ARID1B: variants seen among roughly 807,000 people sequenced by gnomAD.
The protein encoded by ARID1B is AT-rich interactive domain-containing protein 1B.
Under a neutral mutation model 212.3 loss-of-function variants are expected in ARID1B, and 30 were observed. The observed-to-expected ratio is 0.14, with a 90% confidence interval of 0.11 to 0.19. ARID1B has a LOEUF of 0.19. Among genes scored for constraint, ARID1B ranks in the 10% least tolerant of loss-of-function variants. The pLI, the probability that ARID1B is intolerant of heterozygous loss-of-function variation, is 1.00. For synonymous variants in ARID1B, 1,402 were observed against 1,301.7 expected (o/e 1.08, Z -1.66); for missense variants, 2,891 against 3,204.0 (o/e 0.90, Z 2.36).
intron 9 of ARID1B, among the ~76,000 whole-genome samples, chr6:157,170,452 A>C (rs1432005276): frequency 3.3e-5 from 5 of 152,278 alleles, no homozygotes; most frequent in African/African-American, 1.2e-4. Flanking sequence ...TGGGGTGCTC[A>C]CTTTCATGCT....
intron 8 of ARID1B, 157 bp downstream of exon 8, chr6:157,149,108 A>C: frequency 1.3e-6 from 1 of 743,736 alleles, no homozygotes; most frequent in South Asian, 1.9e-5. Context: ...ATTCTGTAGC[A>C]TCGAGGTCAG....
chr6:156,803,105 T>G (rs957082644), intron 1 of ARID1B, among the ~76,000 whole-genome samples: 1 of 152,182 alleles, frequency 6.6e-6, no homozygotes, highest in African/African-American at 2.4e-5. Context: ...GATAGGTATA[T>G]GTAAAGAGTA....
At chr6:157,182,189 C>T (rs1792596222) in intron 12 of ARID1B, among the ~76,000 whole-genome samples, 1 of 152,172 alleles carries the variant, frequency 6.6e-6, no homozygotes, top group African/African-American at 2.4e-5. Flanking sequence ...TTCAAGGTTA[C>T]AGTAAGCTTT....
chr6:156,955,366 A>G lies in ARID1B; in HGVS notation c.2247+19790A>G, dbSNP rs188260739. 1.1e-4 allele frequency among the ~76,000 whole-genome samples: 17 copies of G among 152,332 alleles called. No individual in the cohort carries two copies. The East Asian group carries it at 2.3e-3, about 21-fold the overall frequency. On this transcript the variant is annotated intron_variant, in intron 4 of 19. Transcript: ENST00000636930. The surrounding 1 kb of genome is among the most constrained non-coding windows in gnomAD (Gnocchi z 4.2). ...AGCTACTGTATGTTCCAGGCCATAC[A>G]TTACATATTAACCACAATCCTGTCC...
chr6:156,945,101 ATT>A (rs1176770045), intron 4 of ARID1B, among the ~76,000 whole-genome samples: 2 of 107,128 alleles, frequency 1.9e-5, no homozygotes, highest in Admixed American at 9.4e-5. Flanking sequence ...TTTTTTGTAT[ATT>A]TTTTTTTTTT....
At chr6:156,902,506 A>G (rs754680919) in intron 3 of ARID1B, among the ~76,000 whole-genome samples, 1 of 151,946 alleles carries the variant, frequency 6.6e-6, no homozygotes, top group Non-Finnish European at 1.5e-5. Context: ...TTTCTTACAT[A>G]TTTTCTTGGG....
rs538368090 is a variant in ARID1B at position 156,926,847 on chromosome 6, A to AT, written c.2137-8613dup. Among the ~76,000 whole-genome samples the AT allele has an allele frequency of 5.9e-5, 9 of 151,962 alleles. No individual in the cohort carries two copies. The South Asian group carries it at 1.5e-3, about 25-fold the overall frequency. ...CAGGCACTGCCACCATGCCTGGCTA[A>AT]TTTTTTGTATTTTTAGTAGAGACAG... On this transcript the variant is annotated intron_variant, in intron 3 of 19. Transcript: ENST00000636930.
At chr6:156,793,385 T>G (rs1338769224) in intron 1 of ARID1B, among the ~76,000 whole-genome samples, 5 of 152,150 alleles carry the variant, frequency 3.3e-5, no homozygotes, top group African/African-American at 9.7e-5. Flanking sequence ...CTTACTCTGT[T>G]GCCCAGGCTA....
chr6:156,900,132 A>G (rs955379655), intron 2 of ARID1B, among the ~76,000 whole-genome samples: 2 of 152,244 alleles, frequency 1.3e-5, no homozygotes, highest in African/African-American at 2.4e-5. Flanking sequence ...ATGGCTTGCA[A>G]TGCAGACTTT....
At chr6:156,780,641 A>G (rs554599474) in intron 1 of ARID1B, among the ~76,000 whole-genome samples, 8 of 152,240 alleles carry the variant, frequency 5.3e-5, no homozygotes, top group Admixed American at 5.2e-4. Flanking sequence ...TTCTTGCCAC[A>G]AATAATAACT....
intron 6 of ARID1B, among the ~76,000 whole-genome samples, chr6:157,128,812 C>G (rs1472001887): frequency 2.0e-5 from 3 of 152,116 alleles, no homozygotes; most frequent in African/African-American, 7.2e-5. Flanking sequence ...CTCTTGATAA[C>G]CAAAATAAAA....
rs1535090 is a variant in ARID1B, at chr6:157,109,512, G to A, written c.2492-960G>A. On this transcript the variant is annotated intron_variant, in intron 5 of 19. Transcript: ENST00000636930. ...ATAGCATGGTCCTCATGTCACGAGAGCTAGTTAGTGCCTTGAGGACTGTGC... is the reference window on the plus strand; with the variant it reads ...ATAGCATGGTCCTCATGTCACGAGAACTAGTTAGTGCCTTGAGGACTGTGC... Among the ~76,000 whole-genome samples the A allele has an allele frequency of 6.0e-3, 907 of 152,286 alleles. 12 individuals are homozygous for A. The highest frequency in any genetic ancestry group is 0.02 in the African/African-American group (846 of 41,554).
chr6:156,779,302 C>G lies in ARID1B; in HGVS notation c.1622C>G (p.Ala541Gly), dbSNP rs1779003459. 6 of 1,130,808 alleles carry G rather than the reference C, an allele frequency of 5.3e-6. No homozygotes were observed. The highest frequency in any genetic ancestry group is 6.5e-6 in the Non-Finnish European group (6 of 925,756). The allele number at this position is 1,130,808 out of a possible 1,614,324, so 70.0% of individuals were successfully genotyped here. The change falls in exon 1 of 20, where the codon GCG becomes GGG. Residue 541 changes from alanine to glycine, a missense_variant. Ala to Gly is a moderately conservative substitution (Grantham distance 60, BLOSUM62 0). Coordinates refer to ENST00000636930, the MANE Select transcript of ARID1B (RefSeq NM_001374828.1). ...PPPSQPQSQA[A>G]AAGAAAGGQQ... The stretch of plus-strand genomic sequence containing the variant: ...CCGTCGCAGCCCCAGTCCCAGGCGG[C>G]GGCGGCGGGGGCGGCGGCGGGCGGC...
chr6:156,848,960 T>A (rs1410554654), intron 2 of ARID1B, among the ~76,000 whole-genome samples: 1 of 152,236 alleles, frequency 6.6e-6, no homozygotes, highest in East Asian at 1.9e-4. Context: ...TTCCCATTAT[T>A]TTTGAAGCCT....
At chr6:157,009,459 T>C (rs935513659) in intron 4 of ARID1B, among the ~76,000 whole-genome samples, 16 of 152,194 alleles carry the variant, frequency 1.1e-4, no homozygotes, top group Non-Finnish European at 2.4e-4. Context: ...GTACTGAATA[T>C]GGAAAGTACA....
intron 4 of ARID1B, among the ~76,000 whole-genome samples, chr6:156,991,477 C>T (rs1303880264): frequency 6.6e-6 from 1 of 152,088 alleles, no homozygotes; most frequent in Non-Finnish European, 1.5e-5. Context: ...GGTGATCCAC[C>T]CACCTCAGCC....
At chr6:156,780,056 C>T (rs190079685) in intron 1 of ARID1B, among the ~76,000 whole-genome samples, 73 of 152,240 alleles carry the variant, frequency 4.8e-4, no homozygotes, top group Admixed American at 1.6e-3. Context: ...CAGAGACACT[C>T]GGTGCGGGCT....
chr6:156,795,493 A>G (rs546681099), intron 1 of ARID1B, among the ~76,000 whole-genome samples: 1 of 152,346 alleles, frequency 6.6e-6, no homozygotes, highest in Admixed American at 6.5e-5. Flanking sequence ...CAAAATTAGC[A>G]TATCTAAAAA....
Position 157,206,879 on chromosome 6 carries a change from A to G in ARID1B, c.6107A>G (p.His2036Arg), listed in dbSNP as rs1476439304. ...FPFGIQQAKS[H>R]RNIKLLEDEP... ...TTTGGTATCCAGCAAGCCAAAAGTC[A>G]CCGGAACATCAAGCTGCTGGAGGAC... is the stretch of plus-strand genomic sequence containing the variant. The change falls in exon 20 of 20, where the codon CAC (histidine) becomes CGC (arginine). Residue 2036 changes from histidine to arginine, a missense_variant. Physicochemically the swap from His to Arg is conservative, Grantham distance 29. This residue lies in a region of ARID1B where 332 missense variants were observed against 369.2 expected (regional missense o/e 0.90). Coordinates refer to ENST00000636930, the MANE Select transcript of ARID1B (RefSeq NM_001374828.1). This position sits in a 1 kb window ranked among gnomAD's most constrained non-coding sequence, Gnocchi z 6.8. The G allele has an allele frequency of 1.7e-5, 28 of 1,614,050 alleles. No individual in the cohort carries two copies. Among genetic ancestry groups the G allele is most frequent in the Non-Finnish European group, 2.4e-5 (28 of 1,180,042 alleles).
Sources: allele counts gnomAD v4.1 joint callset (sites outside exome capture counted in the v4.1 genomes callset), GRCh38; gene constraint gnomAD v4.1.1; regional missense constraint gnomAD v4.1.1; non-coding constraint Gnocchi (gnomAD v3.1); transcripts MANE v1.5; gene names NCBI Gene and HGNC (gene_info 2026-07-23, HGNC 2026-07-21).